ATP6V0A4: variants seen among roughly 807,000 people sequenced by gnomAD.
The protein encoded by ATP6V0A4 is V-type proton ATPase 116 kDa subunit a 4.
Under a neutral mutation model 107.3 loss-of-function variants are expected in ATP6V0A4, and 86 were observed. The ratio of observed to expected loss-of-function variants is 0.80; its 90% CI spans 0.67 to 0.96. The LOEUF (loss-of-function observed/expected upper bound fraction) is 0.96, where lower values mean the gene tolerates loss of function less well. Ranked by LOEUF, ATP6V0A4 falls within the 40% of genes least tolerant of loss-of-function variation. The pLI, the probability that ATP6V0A4 is intolerant of heterozygous loss-of-function variation, is 0.00. For missense variants in ATP6V0A4, 908 were observed against 1,045.6 expected (o/e 0.87, Z 1.81); for synonymous variants, 353 against 381.4 (o/e 0.93, Z 0.87).
rs188602265 is a variant in ATP6V0A4 at position 138,729,987 on chromosome 7, G to A, written c.1909-1125C>T. Among the ~76,000 whole-genome samples the A allele has an allele frequency of 9.1e-4, 138 of 152,260 alleles. 1 individual carries two copies. The highest frequency in any genetic ancestry group is 2.4e-3 in the Admixed American group (37 of 15,284). ...CAACCTCTGCCTCCTGGGTTCAAGC[G>A]AGTTGCTTGCCTCAGCCTCCCAAGT... is the stretch of plus-strand genomic sequence containing the variant. On this transcript the variant is annotated intron_variant, in intron 17 of 21. Coordinates refer to ENST00000310018, the MANE Select transcript of ATP6V0A4 (RefSeq NM_020632.3).
At chr7:138,756,933 C>T (rs1051665933) in intron 8 of ATP6V0A4, among the ~76,000 whole-genome samples, 1 of 152,152 alleles carries the variant, frequency 6.6e-6, no homozygotes, top group African/African-American at 2.4e-5. Flanking sequence ...CACACAACAC[C>T]GACATTTTGG....
At chr7:138,707,068 A>ATGTGTGTGTGTGTGTGTGTG (rs10669320) in intron 21 of ATP6V0A4, among the ~76,000 whole-genome samples, 7,671 of 89,938 alleles carry the variant, frequency 0.085, 500 homozygotes, top group East Asian at 0.12. Flanking sequence ...GCTAATTTAT[A>ATGTGTGTGTGTGTGTGTGTG]TGTGTGTGTG....
At chr7:138,753,498 G>A (rs1806340439) in intron 10 of ATP6V0A4, among the ~76,000 whole-genome samples, 1 of 152,278 alleles carries the variant, frequency 6.6e-6, no homozygotes, top group Non-Finnish European at 1.5e-5. Flanking sequence ...GCAACCCTAA[G>A]AGATTACTAC....
intron 1 of ATP6V0A4, among the ~76,000 whole-genome samples, chr7:138,795,332 A>T (rs1350815837): frequency 6.6e-6 from 1 of 152,080 alleles, no homozygotes; most frequent in Non-Finnish European, 1.5e-5. Flanking sequence ...GGGCCAACAC[A>T]TTATCCCCCT....
intron 5 of ATP6V0A4, 29 bp from the exon 6 acceptor site, chr7:138,763,054 C>A: frequency 6.2e-7 from 1 of 1,613,140 alleles, no homozygotes; most frequent in South Asian, 1.1e-5. Context: ...GAAGGTAAGC[C>A]AACAGAAAGT....
chr7:138,732,738 G>A, intron 17 of ATP6V0A4, 139 bp downstream of exon 17: 1 of 940,744 alleles, frequency 1.1e-6, no homozygotes, highest in Non-Finnish European at 1.6e-6. Context: ...AGGTTGCAGT[G>A]AGTCAAGATC....
chr7:138,755,570 T>A, intron 10 of ATP6V0A4, 119 bp downstream of exon 10: 2 of 1,358,548 alleles, frequency 1.5e-6, no homozygotes. Flanking sequence ...CAGAAAGGCA[T>A]AGCCAGCATT....
chr7:138,706,812 C>G (rs767396201), intron 21 of ATP6V0A4, 95 bp from the exon 22 acceptor site: 1 of 1,547,158 alleles, frequency 6.5e-7, no homozygotes, highest in African/African-American at 1.4e-5. Context: ...GCAGAGCGTT[C>G]GTAAAATCAA....
At chr7:138,738,906 C>T (rs558264084) in intron 15 of ATP6V0A4, among the ~76,000 whole-genome samples, 12 of 152,246 alleles carry the variant, frequency 7.9e-5, no homozygotes, top group East Asian at 5.8e-4. Flanking sequence ...AGCACAAGGC[C>T]GCCACCTGGT....
chr7:138,746,209 T>C (rs1562853), intron 13 of ATP6V0A4, among the ~76,000 whole-genome samples: 94,243 of 149,892 alleles, frequency 0.63, 30,218 homozygotes, highest in East Asian at 0.9. Context: ...ATGGCTGCTA[T>C]ATTTATGACA....
At chr7:138,766,226 A>C (rs1807085898) in intron 5 of ATP6V0A4, among the ~76,000 whole-genome samples, 1 of 141,140 alleles carries the variant, frequency 7.1e-6, no homozygotes, top group Admixed American at 7.2e-5. Context: ...TTTTGGAAAC[A>C]CAGTCTTGCT....
intron 21 of ATP6V0A4, among the ~76,000 whole-genome samples, chr7:138,707,097 A>AGTGTGTG (rs1562972241): frequency 2.1e-5 from 1 of 47,026 alleles, no homozygotes; most frequent in African/African-American, 1.3e-4. Flanking sequence ...TGTGTGTATA[A>AGTGTGTG]TATATCATAT....
chr7:138,765,122 A>C (rs1193419267), intron 5 of ATP6V0A4, among the ~76,000 whole-genome samples: 1 of 152,118 alleles, frequency 6.6e-6, no homozygotes, highest in Non-Finnish European at 1.5e-5. Context: ...AACAATAAAA[A>C]ATGATAATCC....
chr7:138,739,445 G>C lies in ATP6V0A4; in HGVS notation c.1572+95C>G, dbSNP rs547753944. Reference sequence around the variant, plus strand: ...TATTTTATCTCAACACAAGTTTGTTGATTTGACAGGCTTTGTTGGCCTTTT... The same window carrying C: ...TATTTTATCTCAACACAAGTTTGTTCATTTGACAGGCTTTGTTGGCCTTTT... On this transcript the variant is annotated intron_variant, in intron 15 of 21. Coordinates refer to ENST00000310018, the MANE Select transcript of ATP6V0A4 (RefSeq NM_020632.3). The C allele has an allele frequency of 3.5e-5, 50 of 1,447,136 alleles. No homozygotes were observed. In the South Asian group the frequency reaches 5.9e-4, roughly 17 times the overall value. The allele number at this position is 1,447,136 out of a possible 1,614,324, so 89.6% of individuals were successfully genotyped here.
In ATP6V0A4 at chr7:138,774,655, T is replaced by TATTATATATTATATACATTATATAC. The variant is rs1554401317; in HGVS notation, c.-17-3392_-17-3391insGTATATAATGTATATAATATATAAT. ...CATTATATATATTATATACATTATA[T>TATTATATATTATATACATTATATAC]ATTATATATTATATACATTATATAT... On this transcript the variant is annotated intron_variant, in intron 2 of 21. Coordinates refer to ENST00000310018, the MANE Select transcript of ATP6V0A4 (RefSeq NM_020632.3). Among the ~76,000 whole-genome samples the TATTATATATTATATACATTATATAC allele has an allele frequency of 5.6e-3, 830 of 146,916 alleles. 1 individual carries two copies. Among genetic ancestry groups the TATTATATATTATATACATTATATAC allele is most frequent in the Admixed American group, 8.6e-3 (126 of 14,650 alleles).
At chr7:138,751,381 C>G (rs1806216577) in intron 11 of ATP6V0A4, among the ~76,000 whole-genome samples, 1 of 152,120 alleles carries the variant, frequency 6.6e-6, no homozygotes, top group Non-Finnish European at 1.5e-5. Flanking sequence ...CTAAAAACAG[C>G]TGTCAAGCCC....
At chr7:138,735,707 C>T (rs1156806409) in intron 15 of ATP6V0A4, among the ~76,000 whole-genome samples, 1 of 152,192 alleles carries the variant, frequency 6.6e-6, no homozygotes, top group Non-Finnish European at 1.5e-5. Flanking sequence ...CCCCAGCCCT[C>T]GGCATTCCCC....
chr7:138,741,761 C>T (rs937038417), intron 14 of ATP6V0A4, among the ~76,000 whole-genome samples: 1 of 152,206 alleles, frequency 6.6e-6, no homozygotes, highest in South Asian at 2.1e-4. Flanking sequence ...ACGCCCAACT[C>T]CAGTGACTAC....
At chr7:138,710,339 AT>A (rs1803677582) in intron 20 of ATP6V0A4, among the ~76,000 whole-genome samples, 1 of 151,658 alleles carries the variant, frequency 6.6e-6, no homozygotes, top group African/African-American at 2.4e-5. Flanking sequence ...CTACAGGTGT[AT>A]GCAACTACAC....
Sources: allele counts gnomAD v4.1 joint callset (sites outside exome capture counted in the v4.1 genomes callset), GRCh38; gene constraint gnomAD v4.1.1; transcripts MANE v1.5; gene names NCBI Gene and HGNC (gene_info 2026-07-23, HGNC 2026-07-21).